Variants in ENTREP2 observed in about 807,000 individuals in gnomAD.
ENTREP2 encodes the protein protein ENTREP2.
At chr15:29,364,282 T>C in the ENTREP2 span, among the ~76,000 whole-genome samples, 1 of 152,170 alleles carries the variant, frequency 6.6e-6, no homozygotes, top group Non-Finnish European at 1.5e-5. Context: ...AGGCACTGAT[T>C]AAGAGCCAGT....
the ENTREP2 span, among the ~76,000 whole-genome samples, chr15:29,336,314 T>C: frequency 2.0e-5 from 3 of 150,744 alleles, no homozygotes; most frequent in African/African-American, 7.4e-5. Flanking sequence ...TTAATATGGT[T>C]TGTTGTTGTT....
chr15:29,552,003 C>G, the ENTREP2 span, among the ~76,000 whole-genome samples: 68,986 of 151,984 alleles, frequency 0.45, 16,947 homozygotes, highest in African/African-American at 0.66. Context: ...AGCAAGAAAC[C>G]CTTCCCTGTG....
the ENTREP2 span, among the ~76,000 whole-genome samples, chr15:29,653,179 G>C: frequency 1.3e-5 from 2 of 152,136 alleles, no homozygotes; most frequent in Admixed American, 6.6e-5. Context: ...TCCAGATGAA[G>C]AAAACTGTCT....
the ENTREP2 span, among the ~76,000 whole-genome samples, chr15:29,510,538 C>G: frequency 6.6e-6 from 1 of 152,078 alleles, no homozygotes; most frequent in African/African-American, 2.4e-5. Context: ...AAATGTGGCA[C>G]ATATACACCT....
the ENTREP2 span, among the ~76,000 whole-genome samples, chr15:29,383,808 AGCACGCACACCAGG>A: frequency 6.6e-6 from 1 of 152,084 alleles, no homozygotes; most frequent in East Asian, 1.9e-4. Context: ...CATGAACCAA[AGCACGCACACCAGG>A]GCTCTGCTCC....
At chr15:29,337,038 T>C in the ENTREP2 span, among the ~76,000 whole-genome samples, 1 of 152,318 alleles carries the variant, frequency 6.6e-6, no homozygotes, top group East Asian at 1.9e-4. Context: ...GCTGTTCATT[T>C]GTTTGATGTG....
the ENTREP2 span, among the ~76,000 whole-genome samples, chr15:29,640,692 AG>A: frequency 6.6e-6 from 1 of 151,560 alleles, no homozygotes; most frequent in Non-Finnish European, 1.5e-5. Flanking sequence ...CAAAAAGAAA[AG>A]AAAAGAAAAA....
the ENTREP2 span, among the ~76,000 whole-genome samples, chr15:29,318,328 T>G: frequency 6.6e-6 from 1 of 152,196 alleles, no homozygotes; most frequent in African/African-American, 2.4e-5. Context: ...TTTTTTTGTT[T>G]TTTGTTTTTT....
the ENTREP2 span, among the ~76,000 whole-genome samples, chr15:29,413,602 C>A: frequency 0.055 from 8,312 of 152,250 alleles, 242 homozygotes; most frequent in African/African-American, 0.084. Flanking sequence ...TTCCAAACTA[C>A]ATTGTGACCA....
the ENTREP2 span, among the ~76,000 whole-genome samples, chr15:29,558,096 C>A: frequency 6.6e-6 from 1 of 152,262 alleles, no homozygotes; most frequent in African/African-American, 2.4e-5. Flanking sequence ...TCTTCAACAC[C>A]CACCTGTGCC....
At chr15:29,387,783 T>C in the ENTREP2 span, among the ~76,000 whole-genome samples, 1 of 152,004 alleles carries the variant, frequency 6.6e-6, no homozygotes, top group East Asian at 1.9e-4. Context: ...TACAGACCAA[T>C]GGAACAGAAC....
the ENTREP2 span, among the ~76,000 whole-genome samples, chr15:29,484,647 AT>A: frequency 3.9e-5 from 6 of 152,108 alleles, no homozygotes; most frequent in East Asian, 7.7e-4. Flanking sequence ...CAAAAAACAG[AT>A]TTTTTAAAGT....
the ENTREP2 span, among the ~76,000 whole-genome samples, chr15:29,133,499 G>A: frequency 6.6e-6 from 1 of 152,098 alleles, no homozygotes; most frequent in Non-Finnish European, 1.5e-5. Flanking sequence ...ACCTGGTGTG[G>A]TCCAGCCCTG....
chr15:29,402,731 A>G, the ENTREP2 span, among the ~76,000 whole-genome samples: 98 of 152,386 alleles, frequency 6.4e-4, no homozygotes, highest in East Asian at 0.016. Context: ...AAACAAATAC[A>G]TAAAGAAAAT....
At chr15:29,506,153 A>T in the ENTREP2 span, among the ~76,000 whole-genome samples, 1 of 152,114 alleles carries the variant, frequency 6.6e-6, no homozygotes, top group Non-Finnish European at 1.5e-5. Context: ...AGCAAAAGAA[A>T]GGATACCAGA....
the ENTREP2 span, among the ~76,000 whole-genome samples, chr15:29,474,871 G>A: frequency 5.3e-3 from 814 of 152,170 alleles, 8 homozygotes; most frequent in African/African-American, 0.019. Context: ...TCATTTCTTC[G>A]GGGGATCTTT....
At chr15:29,259,896 T>A in the ENTREP2 span, among the ~76,000 whole-genome samples, 1 of 152,040 alleles carries the variant, frequency 6.6e-6, no homozygotes, top group East Asian at 1.9e-4. Flanking sequence ...CAAATTGAAG[T>A]TGAGTTCAGT....
chr15:29,455,790 T>C, the ENTREP2 span, among the ~76,000 whole-genome samples: 5 of 152,336 alleles, frequency 3.3e-5, no homozygotes, highest in Admixed American at 6.5e-5. Context: ...TGTTACCACC[T>C]GAGCTTTGCC....
At chr15:29,210,136 C>T in the ENTREP2 span, among the ~76,000 whole-genome samples, 1 of 127,624 alleles carries the variant, frequency 7.8e-6, no homozygotes, top group Admixed American at 7.9e-5. Flanking sequence ...GCAGACCAAC[C>T]AATCCACAGC....
Sources: allele counts gnomAD v4.1 joint callset (sites outside exome capture counted in the v4.1 genomes callset), GRCh38; gene constraint gnomAD v4.1.1; transcripts MANE v1.5; gene names NCBI Gene and HGNC (gene_info 2026-07-23, HGNC 2026-07-21).